SLAIN2: variants seen among roughly 807,000 people sequenced by gnomAD.
The protein encoded by SLAIN2 is SLAIN family member 2.
A neutral mutation model predicts 56.6 loss-of-function variants in SLAIN2; 31 were observed. The ratio of observed to expected loss-of-function variants is 0.55; its 90% CI spans 0.41 to 0.74. The LOEUF (loss-of-function observed/expected upper bound fraction) is 0.74. Among genes scored for constraint, SLAIN2 ranks in the 30% least tolerant of loss-of-function variants. SLAIN2 has a pLI of 0.00. For synonymous variants in SLAIN2, 317 were observed against 284.9 expected (o/e 1.11, Z -1.13); for missense variants, 777 against 754.2 (o/e 1.03, Z -0.35).
intron 7 of SLAIN2, among the ~76,000 whole-genome samples, chr4:48,420,866 T>C (rs1462497595): frequency 6.6e-6 from 1 of 152,244 alleles, no homozygotes; most frequent in Non-Finnish European, 1.5e-5. Context: ...CAAACCCTTA[T>C]TCTATAATTC....
chr4:48,375,763 C>G (rs1053023891), intron 2 of SLAIN2, among the ~76,000 whole-genome samples: 2 of 152,164 alleles, frequency 1.3e-5, no homozygotes, highest in African/African-American at 4.8e-5. Flanking sequence ...TGTTTTGTCC[C>G]TGCCCTGTGC....
intron 4 of SLAIN2, among the ~76,000 whole-genome samples, chr4:48,382,234 T>TTTGG (rs1234543608): frequency 3.5e-4 from 54 of 152,300 alleles, no homozygotes; most frequent in East Asian, 1.7e-3. Context: ...ATTCCTTTAA[T>TTTGG]ATTAGTCTCA....
At chr4:48,366,317 TAAGTA>T (rs1381037044) in intron 1 of SLAIN2, among the ~76,000 whole-genome samples, 4 of 152,176 alleles carry the variant, frequency 2.6e-5, no homozygotes, top group East Asian at 1.9e-4. Flanking sequence ...CATAAATGGT[TAAGTA>T]AAGTTGGTTG....
At position 48,369,953 on chromosome 4, in the gene SLAIN2, G is replaced by T; in HGVS notation, c.494G>T (p.Cys165Phe). 6.2e-7 allele frequency: 1 copy of T among 1,613,622 alleles called. No homozygotes were observed. The highest frequency in any genetic ancestry group is 8.5e-7 in the Non-Finnish European group (1 of 1,179,680). The stretch of plus-strand genomic sequence containing the variant: ...GATTACCCAAGTCCTGATGTTGAGT[G>T]TGCTAAAAAATCTCTTATCCACAAA... ...VLDYPSPDVE[C>F]AKKSLIHKLD... Residue 165 changes from cysteine (C) to phenylalanine (F), a missense_variant, in exon 2 of 8, where the codon TGT (cysteine) becomes TTT (phenylalanine). Transcript: ENST00000264313.
rs1717235226 is a variant in SLAIN2, at chr4:48,424,139, G to A, written c.*2062G>A. On this transcript the variant is annotated 3_prime_UTR_variant, in exon 8 of 8. Coordinates refer to ENST00000264313, the MANE Select transcript of SLAIN2 (RefSeq NM_020846.2). ...TTAAATGGCTGCATCAGAAAAAAAT[G>A]TCTATTTTTTTTTATTAAAATATTT... 2 of 151,952 alleles carry A rather than the reference G, an allele frequency of 1.3e-5. No individual in the cohort carries two copies. Among genetic ancestry groups the A allele is most frequent in the African/African-American group, 2.4e-5 (1 of 41,386 alleles). The allele number at this position is 151,952 out of a possible 1,614,324, so 9.4% of individuals were successfully genotyped here. A position where few individuals can be genotyped will look rare whatever the true frequency, so the allele number is the denominator to read the frequency against.
At chr4:48,349,112 A>G (rs1167493695) in intron 1 of SLAIN2, among the ~76,000 whole-genome samples, 1 of 152,190 alleles carries the variant, frequency 6.6e-6, no homozygotes, top group Non-Finnish European at 1.5e-5. Flanking sequence ...AATTCTCCTG[A>G]ATTTTTAACT....
At chr4:48,396,272 A>AGGG (rs1272179649) in intron 6 of SLAIN2, among the ~76,000 whole-genome samples, 1 of 152,002 alleles carries the variant, frequency 6.6e-6, no homozygotes, top group African/African-American at 2.4e-5. Context: ...AAGGTAAAGA[A>AGGG]GGGGGAGGAG....
chr4:48,420,627 T>C (rs563225217), intron 7 of SLAIN2, 184 bp downstream of exon 7: 90 of 770,504 alleles, frequency 1.2e-4, no homozygotes, highest in Admixed American at 1.5e-4. Flanking sequence ...TTTGGGACTT[T>C]TACCAGTTTG....
At chr4:48,408,247 T>C (rs1180187555) in intron 6 of SLAIN2, among the ~76,000 whole-genome samples, 2 of 152,018 alleles carry the variant, frequency 1.3e-5, no homozygotes, top group Non-Finnish European at 2.9e-5. Context: ...GGAGGATTGC[T>C]TGAGTTTCAA....
intron 6 of SLAIN2, among the ~76,000 whole-genome samples, chr4:48,405,169 AT>A (rs772852349): frequency 6.6e-6 from 1 of 152,198 alleles, no homozygotes; most frequent in Non-Finnish European, 1.5e-5. Flanking sequence ...ATTAATTCTT[AT>A]ACGGCAAACG....
chr4:48,405,532 A>G (rs1716670767), intron 6 of SLAIN2, among the ~76,000 whole-genome samples: 1 of 152,106 alleles, frequency 6.6e-6, no homozygotes, highest in South Asian at 2.1e-4. Flanking sequence ...TTGTTTAGCA[A>G]GTTCCCTTGT....
At chr4:48,409,287 AT>A (rs367955272) in intron 6 of SLAIN2, among the ~76,000 whole-genome samples, 4 of 150,790 alleles carry the variant, frequency 2.7e-5, no homozygotes, top group East Asian at 1.9e-4. Context: ...GTCTTTCTCT[AT>A]TTTTTTTTGG....
rs566688415 is a variant in SLAIN2, at chr4:48,414,460, G to A, written c.1361-5665G>A. Among the ~76,000 whole-genome samples the A allele has an allele frequency of 4.6e-5, 7 of 151,430 alleles. No homozygotes were observed. The East Asian group carries it at 1.4e-3, about 29-fold the overall frequency. Reference sequence around the variant, plus strand: ...CTAACAATTTACACATTTATTACTCGTTTGCTCTTCACAGCAAACTTATAT... The same window carrying A: ...CTAACAATTTACACATTTATTACTCATTTGCTCTTCACAGCAAACTTATAT... On this transcript the variant is annotated intron_variant, in intron 6 of 7. Transcript: ENST00000264313.
rs1216521941 is a variant in SLAIN2, at chr4:48,422,055, G to A, written c.1724G>A (p.Ser575Asn). The change falls in exon 8 of 8, where the codon AGT (serine) becomes AAT (asparagine). Residue 575 changes from serine (S) to asparagine (N), a missense_variant. Ser to Asn is a conservative substitution (Grantham distance 46). Coordinates refer to ENST00000264313, the MANE Select transcript of SLAIN2 (RefSeq NM_020846.2). ...PKTYGSMKDD[S>N]WKDGCY ...ACCTATGGTAGCATGAAAGATGACAGTTGGAAAGATGGCTGTTACTGACCA... is the reference window on the plus strand; with the variant it reads ...ACCTATGGTAGCATGAAAGATGACAATTGGAAAGATGGCTGTTACTGACCA... The A allele has an allele frequency of 6.2e-7, 1 of 1,610,974 alleles. No homozygotes were observed. Among genetic ancestry groups the A allele is most frequent in the Admixed American group, 1.7e-5 (1 of 59,642 alleles).
At chr4:48,390,038 GA>G (rs1267215788) in intron 6 of SLAIN2, among the ~76,000 whole-genome samples, 2 of 151,894 alleles carry the variant, frequency 1.3e-5, no homozygotes, top group African/African-American at 4.8e-5. Context: ...GTGAGGGAGT[GA>G]GGGTGATGAG....
At chr4:48,401,324 A>G (rs1443614422) in intron 6 of SLAIN2, among the ~76,000 whole-genome samples, 1 of 152,150 alleles carries the variant, frequency 6.6e-6, no homozygotes, top group Non-Finnish European at 1.5e-5. Context: ...AGGTCCTAAT[A>G]TCTTTGTTAA....
At chr4:48,378,690 C>G (rs1194597755) in intron 3 of SLAIN2, among the ~76,000 whole-genome samples, 1 of 152,162 alleles carries the variant, frequency 6.6e-6, no homozygotes, top group East Asian at 1.9e-4. Context: ...CCTGTGCACT[C>G]CCTAGTCTAA....
At chr4:48,403,122 T>C (rs1228347231) in intron 6 of SLAIN2, among the ~76,000 whole-genome samples, 19 of 152,218 alleles carry the variant, frequency 1.2e-4, no homozygotes. Flanking sequence ...ACTGACCTGA[T>C]GCTGGCCCGA....
chr4:48,350,270 A>G (rs1393794427), intron 1 of SLAIN2, among the ~76,000 whole-genome samples: 2 of 152,160 alleles, frequency 1.3e-5, no homozygotes, highest in Non-Finnish European at 2.9e-5. Flanking sequence ...TCAAATTCCT[A>G]TGCCAGATTG....
Sources: gnomAD v4.1 joint callset for allele counts (sites outside exome capture counted in the v4.1 genomes callset) on GRCh38, gnomAD v4.1.1 for gene constraint, MANE v1.5 for transcripts, NCBI Gene and HGNC (gene_info 2026-07-23, HGNC 2026-07-21) for gene names.